SORBS2: variants seen among roughly 807,000 people sequenced by gnomAD.
The protein encoded by SORBS2 is sorbin and SH3 domain-containing protein 2.
Under a neutral mutation model 97.7 loss-of-function variants are expected in SORBS2, and 46 were observed. That is an observed-to-expected ratio of 0.47 (90% CI 0.37 to 0.60). The LOEUF (loss-of-function observed/expected upper bound fraction) is 0.60. Ranked by LOEUF, SORBS2 falls within the 20% of genes least tolerant of loss-of-function variation. The pLI is 0.00. For missense variants in SORBS2, 1,316 were observed against 1,282.3 expected (o/e 1.03, Z -0.40); for synonymous variants, 476 against 473.4 (o/e 1.01, Z -0.07).
chr4:185,845,886 C>T, intron 1 of SORBS2, among the ~76,000 whole-genome samples: 1 of 152,184 alleles, frequency 6.6e-6, no homozygotes, highest in African/African-American at 2.4e-5. Context: ...AAAATATAAA[C>T]AAAACAAAAT....
chr4:185,929,750 G>A (rs150543910), intron 1 of SORBS2, among the ~76,000 whole-genome samples: 3,506 of 152,104 alleles, frequency 0.023, 107 homozygotes, highest in East Asian at 0.14. Flanking sequence ...TGGCCAGGAT[G>A]GTCTCGATCT....
At chr4:185,871,665 T>C (rs1465552423) in intron 1 of SORBS2, among the ~76,000 whole-genome samples, 3 of 152,194 alleles carry the variant, frequency 2.0e-5, no homozygotes, top group Non-Finnish European at 1.5e-5. Flanking sequence ...CAAGTCTTTC[T>C]CTCTCCACCC....
At chr4:185,627,311 G>A (rs2096831798) in intron 5 of SORBS2, among the ~76,000 whole-genome samples, 1 of 152,200 alleles carries the variant, frequency 6.6e-6, no homozygotes, top group Non-Finnish European at 1.5e-5. Flanking sequence ...CTGGGCTCAA[G>A]GGATACTCCC....
At chr4:185,739,383 G>A (rs1160462419) in intron 2 of SORBS2, among the ~76,000 whole-genome samples, 3 of 152,170 alleles carry the variant, frequency 2.0e-5, no homozygotes, top group Non-Finnish European at 4.4e-5. Context: ...ACCACCAAAG[G>A]CCTGGTGGAA....
intron 4 of SORBS2, among the ~76,000 whole-genome samples, chr4:185,664,347 A>C (rs984046358): frequency 7.2e-5 from 11 of 152,166 alleles, no homozygotes; most frequent in African/African-American, 2.7e-4. Context: ...CGTGCCCACA[A>C]GACTGTATAT....
chr4:185,745,968 G>A lies in SORBS2; in HGVS notation c.-198+29259C>T, dbSNP rs189279008. 2.0e-5 allele frequency among the ~76,000 whole-genome samples: 3 copies of A among 152,248 alleles called. No homozygotes were observed. The East Asian group carries it at 5.8e-4, about 29-fold the overall frequency. On this transcript the variant is annotated intron_variant, in intron 2 of 20. Transcript: ENST00000284776. ...AAGAGAAGCAAACGATATCACCAAAGTCCTAACTCTATCCTCCCACTCTGT... is the reference window on the plus strand; with the variant it reads ...AAGAGAAGCAAACGATATCACCAAAATCCTAACTCTATCCTCCCACTCTGT...
At chr4:185,618,079 C>T (rs1321321652) in intron 9 of SORBS2, among the ~76,000 whole-genome samples, 1 of 152,094 alleles carries the variant, frequency 6.6e-6, no homozygotes, top group African/African-American at 2.4e-5. Flanking sequence ...GTGAAGCGAT[C>T]CTTTTGCCTC....
At chr4:185,616,936 A>G (rs1441689262) in intron 9 of SORBS2, among the ~76,000 whole-genome samples, 1 of 152,110 alleles carries the variant, frequency 6.6e-6, no homozygotes, top group Non-Finnish European at 1.5e-5. Context: ...TTCAGTAGAG[A>G]CGGGGTTTCA....
intron 1 of SORBS2, among the ~76,000 whole-genome samples, chr4:185,849,639 T>C (rs2099216675): frequency 6.6e-6 from 1 of 152,220 alleles, no homozygotes; most frequent in South Asian, 2.1e-4. Context: ...TCACCCCTTG[T>C]TGCAGAATAA....
At chr4:185,617,031 G>A (rs939153138) in intron 9 of SORBS2, among the ~76,000 whole-genome samples, 8 of 152,182 alleles carry the variant, frequency 5.3e-5, no homozygotes, top group South Asian at 2.1e-4. Flanking sequence ...TTACAGGCAT[G>A]AGCCACCGTG....
intron 2 of SORBS2, among the ~76,000 whole-genome samples, chr4:185,722,891 C>A (rs988916838): frequency 6.6e-6 from 1 of 152,048 alleles, no homozygotes; most frequent in Non-Finnish European, 1.5e-5. Context: ...AGCTAAAATG[C>A]GCCAGAGCTG....
intron 2 of SORBS2, among the ~76,000 whole-genome samples, chr4:185,731,718 CCCTCCCTGCCTG>C (rs2098633414): frequency 1.9e-5 from 2 of 105,694 alleles, no homozygotes; most frequent in Non-Finnish European, 4.0e-5. Flanking sequence ...CTCTCTCCCT[CCCTCCCTGCCTG>C]TCTCTCTCCC....
At chr4:185,625,228 C>T (rs1019929196) in intron 6 of SORBS2, among the ~76,000 whole-genome samples, 1 of 152,174 alleles carries the variant, frequency 6.6e-6, no homozygotes, top group South Asian at 2.1e-4. Context: ...GCAAAACTTT[C>T]ATCAGAGGTG....
intron 2 of SORBS2, among the ~76,000 whole-genome samples, chr4:185,759,790 C>T (rs944087299): frequency 3.9e-5 from 6 of 152,024 alleles, no homozygotes; most frequent in Admixed American, 3.3e-4. Flanking sequence ...TAACAGGGTT[C>T]CTTAGTTATA....
chr4:185,832,941 T>C (rs1455978928), intron 1 of SORBS2, among the ~76,000 whole-genome samples: 2 of 152,226 alleles, frequency 1.3e-5, no homozygotes, highest in South Asian at 4.1e-4. Flanking sequence ...TTGAAACTTA[T>C]GTTTACATCC....
At chr4:185,736,593 C>G (rs999068200) in intron 2 of SORBS2, among the ~76,000 whole-genome samples, 4 of 152,194 alleles carry the variant, frequency 2.6e-5, no homozygotes, top group Non-Finnish European at 5.9e-5. Flanking sequence ...GAAACCAGTG[C>G]CTGCTTCGTT....
intron 12 of SORBS2, among the ~76,000 whole-genome samples, chr4:185,597,235 G>T (rs2096125646): frequency 6.6e-6 from 1 of 152,154 alleles, no homozygotes; most frequent in African/African-American, 2.4e-5. Context: ...GGATGCCTCA[G>T]CTTCCCTATC....
intron 1 of SORBS2, among the ~76,000 whole-genome samples, chr4:185,832,206 C>A (rs1016156665): frequency 1.3e-5 from 2 of 152,140 alleles, no homozygotes; most frequent in African/African-American, 4.8e-5. Context: ...ATTCCCTTGT[C>A]TGGAATCTTT....
At chr4:185,656,484 A>G in intron 1 of SORBS2, 2 of 413,960 alleles carry the variant, frequency 4.8e-6, no homozygotes, top group Non-Finnish European at 8.3e-6. Context: ...CTTTGCCTCT[A>G]TCCCTTATTG....
Sources: allele counts gnomAD v4.1 joint callset (sites outside exome capture counted in the v4.1 genomes callset), GRCh38; gene constraint gnomAD v4.1.1; transcripts MANE v1.5; gene names NCBI Gene and HGNC (gene_info 2026-07-23, HGNC 2026-07-21).